Variants in CALD1 observed in about 807,000 individuals in gnomAD.
CALD1 encodes the protein caldesmon.
Under a neutral mutation model 99.9 loss-of-function variants are expected in CALD1, and 33 were observed. The observed-to-expected ratio is 0.33, with a 90% CI of 0.25 to 0.44. The LOEUF (loss-of-function observed/expected upper bound fraction) is 0.44, where lower values mean the gene tolerates loss of function less well. CALD1 is among the 20% of genes least tolerant of loss of function. CALD1 has a pLI of 1.00. For missense variants in CALD1, 861 were observed against 962.1 expected, an observed-to-expected ratio of 0.89 and a Z score of 1.39; for synonymous variants, 310 against 325.0, an observed-to-expected ratio of 0.95 and a Z score of 0.50.
chr7:134,826,297 A>C (rs1415244603), intron 1 of CALD1, among the ~76,000 whole-genome samples: 4 of 152,136 alleles, frequency 2.6e-5, no homozygotes, highest in Non-Finnish European at 5.9e-5. Context: ...GCTGCCCATG[A>C]CCACAACTGA....
chr7:134,907,105 G>A (rs1455158579), intron 3 of CALD1, among the ~76,000 whole-genome samples: 2 of 152,122 alleles, frequency 1.3e-5, no homozygotes, highest in Non-Finnish European at 2.9e-5. Flanking sequence ...GTAAAAAGTT[G>A]CCATCTGTCT....
chr7:134,943,886 C>A (rs1806649564), intron 7 of CALD1, among the ~76,000 whole-genome samples: 1 of 152,096 alleles, frequency 6.6e-6, no homozygotes, highest in Non-Finnish European at 1.5e-5. Flanking sequence ...TAAATATAAG[C>A]CTATAATTAA....
At chr7:134,898,797 C>T (rs546520380) in intron 3 of CALD1, among the ~76,000 whole-genome samples, 15 of 152,254 alleles carry the variant, frequency 9.9e-5, no homozygotes, top group South Asian at 8.3e-4. Context: ...TCAGGTGATC[C>T]GCCAACCTCA....
chr7:134,768,428 C>T (rs1414078871), intron 1 of CALD1, among the ~76,000 whole-genome samples: 1 of 152,146 alleles, frequency 6.6e-6, no homozygotes, highest in East Asian at 1.9e-4. Flanking sequence ...GTTATTACTC[C>T]TTAAAGAGTG....
At chr7:134,816,265 C>G (rs1798560453) in intron 1 of CALD1, among the ~76,000 whole-genome samples, 1 of 152,106 alleles carries the variant, frequency 6.6e-6, no homozygotes, top group Non-Finnish European at 1.5e-5. Context: ...TGTTGCAAAT[C>G]AATAGATGTG....
In CALD1 at chr7:134,933,688, GA is replaced by G; in HGVS notation, c.922del (p.Arg308GlyfsTer10). On this transcript the variant is annotated frameshift_variant, in exon 5 of 15. Coordinates refer to ENST00000361675, the MANE Select transcript of CALD1 (RefSeq NM_033138.4). LOFTEE classifies it high-confidence loss of function. ...AEEKAAAQER[E>X]RREAEERERM... The stretch of plus-strand genomic sequence containing the variant: ...AGAAAAAGCAGCTGCCCAAGAAAGA[GA>G]AAGGAGAGAGGCAGAAGAGAGGGAA... The G allele has an allele frequency of 6.3e-7, 1 of 1,586,016 alleles. No homozygotes were observed. The highest frequency in any genetic ancestry group is 1.1e-5 in the South Asian group (1 of 87,408).
chr7:134,738,312 T>TA, the CALD1 span, among the ~76,000 whole-genome samples: 1 of 152,218 alleles, frequency 6.6e-6, no homozygotes, highest in Non-Finnish European at 1.5e-5. Context: ...TAGTTTTGCA[T>TA]AAAAAATTGT....
chr7:134,850,628 C>G (rs1800037022), intron 2 of CALD1, among the ~76,000 whole-genome samples: 1 of 152,122 alleles, frequency 6.6e-6, no homozygotes. Context: ...TATGGGATTG[C>G]TTGTGGGTTC....
At position 134,958,269 on chromosome 7, in the gene CALD1, G is replaced by C; in HGVS notation, c.2040G>C (p.Glu680Asp). 1 of 1,613,938 alleles carries C rather than the reference G, an allele frequency of 6.2e-7. No individual in the cohort carries two copies. Among genetic ancestry groups the C allele is most frequent in the Non-Finnish European group, 8.5e-7 (1 of 1,179,912 alleles). ...TCTCCAAGATTGACAGCAGACTGGA[G>C]CAGTATACCAGTGCAATTGAGGTGA... ...AIVSKIDSRL[E>D]QYTSAIEGTK... The change falls in exon 11 of 15, where the codon GAG becomes GAC. Residue 680 changes from glutamate to aspartate, a missense_variant. Physicochemically the swap from Glu to Asp is conservative, Grantham distance 45. Transcript: ENST00000361675.
chr7:134,891,597 C>G (rs768513971), intron 3 of CALD1: 1 of 1,603,010 alleles, frequency 6.2e-7, no homozygotes, highest in Non-Finnish European at 8.5e-7. Context: ...CTCTCTGCCC[C>G]GCCGCCCCTT....
intron 1 of CALD1, among the ~76,000 whole-genome samples, chr7:134,841,701 A>C (rs972240747): frequency 1.6e-4 from 25 of 152,186 alleles, no homozygotes; most frequent in Non-Finnish European, 2.8e-4. Flanking sequence ...ACAGATCCTC[A>C]TGCTTTCCAG....
chr7:134,719,226 A>G, the CALD1 span, among the ~76,000 whole-genome samples: 2 of 152,240 alleles, frequency 1.3e-5, no homozygotes, highest in African/African-American at 4.8e-5. Flanking sequence ...TTTAAAGAGA[A>G]AATTTAAGCT....
chr7:134,852,737 T>G (rs1408322501), intron 2 of CALD1, among the ~76,000 whole-genome samples: 3 of 152,212 alleles, frequency 2.0e-5, no homozygotes, highest in Non-Finnish European at 4.4e-5. Flanking sequence ...GTAGCCTTTT[T>G]GCTATGTAAC....
intron 1 of CALD1, among the ~76,000 whole-genome samples, chr7:134,815,705 T>C (rs1227806932): frequency 6.6e-6 from 1 of 152,196 alleles, no homozygotes; most frequent in Non-Finnish European, 1.5e-5. Flanking sequence ...CCTAGGATTT[T>C]TACTAAACTG....
chr7:134,724,286 C>G, the CALD1 span, among the ~76,000 whole-genome samples: 1 of 152,150 alleles, frequency 6.6e-6, no homozygotes, highest in Non-Finnish European at 1.5e-5. Flanking sequence ...GTTTAGCAAC[C>G]ATCTTCTTGT....
chr7:134,829,979 C>T (rs988204379), intron 1 of CALD1, among the ~76,000 whole-genome samples: 9 of 151,902 alleles, frequency 5.9e-5, no homozygotes, highest in African/African-American at 9.7e-5. Flanking sequence ...TTCCCAAGTC[C>T]GGAGCTTAAG....
At chr7:134,778,692 C>G (rs1236357817), upstream of CALD1, among the ~76,000 whole-genome samples, 1 of 152,194 alleles carries the variant, frequency 6.6e-6, no homozygotes, top group Non-Finnish European at 1.5e-5. Flanking sequence ...TTGGTCGGAG[C>G]ACTTTCAAGA....
chr7:134,758,501 G>GGGGTGTGT (rs574733386), intron 1 of CALD1, among the ~76,000 whole-genome samples: 14 of 145,218 alleles, frequency 9.6e-5, no homozygotes, highest in East Asian at 4.2e-4. Flanking sequence ...CTCCCATTGG[G>GGGGTGTGT]GTGTGTGTGT....
chr7:134,950,585 TG>T, intron 9 of CALD1, 71 bp downstream of exon 9: 3 of 1,215,224 alleles, frequency 2.5e-6, no homozygotes, highest in Non-Finnish European at 3.6e-6. Context: ...GTTTAGTTAT[TG>T]ATTATACAGG....
Sources: gnomAD v4.1 joint callset for allele counts (sites outside exome capture counted in the v4.1 genomes callset) on GRCh38, gnomAD v4.1.1 for gene constraint, MANE v1.5 for transcripts, NCBI Gene and HGNC (gene_info 2026-07-23, HGNC 2026-07-21) for gene names.